The following CDK14 variants were observed in gnomAD, a reference collection of about 807,000 sequenced individuals.
CDK14 encodes the protein cyclin dependent kinase 14, also known as cyclin-dependent kinase 14.
CDK14 carries 34 observed loss-of-function variants against 60.7 expected under a neutral mutation model. The ratio of observed to expected loss-of-function variants is 0.56; its 90% CI spans 0.43 to 0.75. CDK14 has a LOEUF of 0.75. Ranked by LOEUF, CDK14 falls within the 30% of genes least tolerant of loss-of-function variation. The pLI is 0.00. For missense variants in CDK14, 482 were observed against 564.1 expected, an observed-to-expected ratio of 0.85 and a Z score of 1.47; for synonymous variants, 197 against 203.7, an observed-to-expected ratio of 0.97 and a Z score of 0.28.
intron 2 of CDK14, among the ~76,000 whole-genome samples, chr7:90,705,648 T>C (rs1370938097): frequency 1.3e-5 from 2 of 149,876 alleles, no homozygotes; most frequent in East Asian, 1.9e-4. Context: ...ATAAGCCTGA[T>C]TATCTAGTTG....
chr7:90,726,767 T>C lies in CDK14; in HGVS notation c.324T>C (p.Thr108=), dbSNP rs765307021. ...GCATTAACTTTAAGACCTCCTCCAC[T>C]GGCAAAGAGTCACCTAAAGTTAGGC... ...NACINFKTSS[T]GKESPKVRRH... Residue 108 remains threonine (T), a synonymous_variant, in exon 3 of 15, where the codon ACT becomes ACC. Coordinates refer to ENST00000380050, the MANE Select transcript of CDK14 (RefSeq NM_001287135.2). The C allele has an allele frequency of 5.0e-6, 8 of 1,613,580 alleles. No homozygotes were observed. The East Asian group carries it at 6.7e-5, about 13-fold the overall frequency.
At chr7:90,797,456 T>C (rs1788479151) in intron 5 of CDK14, among the ~76,000 whole-genome samples, 1 of 151,970 alleles carries the variant, frequency 6.6e-6, no homozygotes, top group Non-Finnish European at 1.5e-5. Context: ...TACAGTCCTA[T>C]TCTAAGGTAC....
chr7:90,669,247 A>G (rs765383926), intron 2 of CDK14, among the ~76,000 whole-genome samples: 1 of 152,150 alleles, frequency 6.6e-6, no homozygotes, highest in Non-Finnish European at 1.5e-5. Context: ...ATTACATTCA[A>G]TTAAGCAAAC....
chr7:90,641,681 T>TTTGAGATCATCAAAGTGGATTTTG (rs71526692), intron 2 of CDK14, among the ~76,000 whole-genome samples: 49,562 of 147,366 alleles, frequency 0.34, 8,906 homozygotes, highest in Non-Finnish European at 0.38. Flanking sequence ...TGTGGCTCTC[T>TTTGAGATCATCAAAGTGGATTTTG]TTGAGATCAT....
intron 3 of CDK14, among the ~76,000 whole-genome samples, chr7:90,731,466 A>G (rs1402798820): frequency 6.6e-6 from 1 of 152,218 alleles, no homozygotes; most frequent in South Asian, 2.1e-4. Flanking sequence ...GATTCTTCAT[A>G]TCCATGACCA....
chr7:91,193,478 A>C (rs1458745927), intron 14 of CDK14, among the ~76,000 whole-genome samples: 2 of 152,112 alleles, frequency 1.3e-5, no homozygotes, highest in Non-Finnish European at 2.9e-5. Flanking sequence ...GGGTTTGGTG[A>C]GAGTAGGAAA....
chr7:90,782,369 C>G (rs1805373215), intron 4 of CDK14, among the ~76,000 whole-genome samples: 1 of 152,110 alleles, frequency 6.6e-6, no homozygotes, highest in Non-Finnish European at 1.5e-5. Flanking sequence ...CAAACAGGGA[C>G]AATTTGACTT....
chr7:90,674,657 A>C (rs1801161984), intron 2 of CDK14, among the ~76,000 whole-genome samples: 1 of 152,152 alleles, frequency 6.6e-6, no homozygotes, highest in African/African-American at 2.4e-5. Flanking sequence ...AATACCATAA[A>C]ATGCATAATT....
intron 12 of CDK14, among the ~76,000 whole-genome samples, chr7:91,080,464 A>G (rs897633857): frequency 2.6e-5 from 4 of 152,052 alleles, no homozygotes; most frequent in African/African-American, 7.3e-5. Flanking sequence ...ACACATAGGT[A>G]TAATCATTTT....
At chr7:90,879,953 T>C (rs1309947077) in intron 6 of CDK14, among the ~76,000 whole-genome samples, 4 of 152,182 alleles carry the variant, frequency 2.6e-5, no homozygotes, top group Non-Finnish European at 5.9e-5. Context: ...TCCACAGAAC[T>C]GTGCAACCCA....
chr7:90,720,216 A>G (rs993702409), intron 2 of CDK14, among the ~76,000 whole-genome samples: 2 of 152,336 alleles, frequency 1.3e-5, no homozygotes, highest in Admixed American at 6.5e-5. Flanking sequence ...GGAGCAGACT[A>G]AATTCACTGA....
At chr7:91,034,943 C>CAT (rs149656587) in intron 10 of CDK14, among the ~76,000 whole-genome samples, 2 of 94,012 alleles carry the variant, frequency 2.1e-5, no homozygotes, top group African/African-American at 9.2e-5. Context: ...CACACATACA[C>CAT]ATACACACAC....
At chr7:90,965,999 A>G (rs1794741125) in intron 9 of CDK14, among the ~76,000 whole-genome samples, 1 of 152,102 alleles carries the variant, frequency 6.6e-6, no homozygotes, top group Non-Finnish European at 1.5e-5. Context: ...CCTTGGTAGT[A>G]TCTTTTTCTA....
chr7:90,640,433 A>G (rs1457201614), intron 2 of CDK14, among the ~76,000 whole-genome samples: 1 of 152,192 alleles, frequency 6.6e-6, no homozygotes, highest in African/African-American at 2.4e-5. Flanking sequence ...TTTATGATGC[A>G]GAGAAATATG....
At chr7:91,192,922 A>G (rs988557057) in intron 14 of CDK14, among the ~76,000 whole-genome samples, 1 of 152,156 alleles carries the variant, frequency 6.6e-6, no homozygotes, top group African/African-American at 2.4e-5. Context: ...CATTCATCAG[A>G]TAGCCTGATC....
chr7:90,727,022 C>T (rs2116712823), intron 3 of CDK14, among the ~76,000 whole-genome samples: 1 of 152,208 alleles, frequency 6.6e-6, no homozygotes, highest in East Asian at 1.9e-4. Context: ...TGAAATGATT[C>T]AACTTATTTT....
chr7:91,169,890 C>T (rs145155771), intron 14 of CDK14, among the ~76,000 whole-genome samples: 1 of 152,332 alleles, frequency 6.6e-6, no homozygotes, highest in Non-Finnish European at 1.5e-5. Flanking sequence ...GCCCAAATAG[C>T]ATTGTGCTTT....
chr7:90,615,221 C>T (rs1444886243), intron 2 of CDK14, among the ~76,000 whole-genome samples: 1 of 152,164 alleles, frequency 6.6e-6, no homozygotes, highest in Non-Finnish European at 1.5e-5. Flanking sequence ...GATGAAAATG[C>T]ATCAGGCAAG....
intron 5 of CDK14, among the ~76,000 whole-genome samples, chr7:90,822,629 C>G (rs1297940427): frequency 6.6e-6 from 1 of 152,166 alleles, no homozygotes; most frequent in Admixed American, 6.6e-5. Context: ...GCACCATGCT[C>G]TGACTCTTCC....
Sources: gnomAD v4.1 joint callset for allele counts (sites outside exome capture counted in the v4.1 genomes callset) on GRCh38, gnomAD v4.1.1 for gene constraint, MANE v1.5 for transcripts, NCBI Gene and HGNC (gene_info 2026-07-23, HGNC 2026-07-21) for gene names.